Variants in LRRC43 observed in about 807,000 individuals in gnomAD.
LRRC43 encodes the protein leucine-rich repeat-containing protein 43.
A neutral mutation model predicts 64.3 loss-of-function variants in LRRC43; 62 were observed. The observed-to-expected ratio is 0.96, with a 90% CI of 0.79 to 1.19. LRRC43 has a LOEUF of 1.19. LRRC43 is among the 50% of genes most tolerant of loss of function. LRRC43 has a pLI of 0.00. For synonymous variants in LRRC43, 422 were observed against 382.3 expected (o/e 1.10, Z -1.21); for missense variants, 868 against 845.0 (o/e 1.03, Z -0.34).
At chr12:122,182,839 T>G (rs1313148648), upstream of LRRC43, among the ~76,000 whole-genome samples, 6 of 152,184 alleles carry the variant, frequency 3.9e-5, no homozygotes. Flanking sequence ...ATGTTTGACC[T>G]TGGGCCCTCT....
intron 4 of LRRC43, chr12:122,189,337 G>A (rs1478994970): frequency 4.5e-6 from 2 of 443,272 alleles, no homozygotes; most frequent in Non-Finnish European, 9.1e-6. Flanking sequence ...CCTGGAGCGG[G>A]CGGACGCAGC....
In LRRC43 at chr12:122,192,970, C is replaced by T; in HGVS notation, c.1315C>T (p.Leu439=). The change falls in exon 7 of 12, where the codon CTG becomes TTG. Residue 439 remains leucine (L), a synonymous_variant. Coordinates refer to ENST00000339777, the MANE Select transcript of LRRC43 (RefSeq NM_001098519.2). ...ASAEELAKLR[L]RIDPRLCPSP... is the part of the protein sequence containing the mutation. Reference sequence around the variant, plus strand: ...TGCAGAAGAGCTGGCCAAGTTGAGGCTGCGTATAGATCCCCGGCTCTGCCC... The same window carrying T: ...TGCAGAAGAGCTGGCCAAGTTGAGGTTGCGTATAGATCCCCGGCTCTGCCC... 1 of 1,614,018 alleles carries T rather than the reference C, an allele frequency of 6.2e-7. No individual in the cohort carries two copies.
At position 122,175,719 on chromosome 12, in the gene LRRC43, T is replaced by C. The variant is rs1458411798; in HGVS notation, c.-406+7937T>C. ...TTCGCTCTTGTTGCCCAGGCTGGAGTGCAATAGCACGATCTCGGCTCACTG... is the reference window on the plus strand; with the variant it reads ...TTCGCTCTTGTTGCCCAGGCTGGAGCGCAATAGCACGATCTCGGCTCACTG... On this transcript the variant is annotated intron_variant, in intron 1 of 5. Transcript: ENST00000537729. Among the ~76,000 whole-genome samples the C allele has an allele frequency of 2.0e-5, 3 of 151,652 alleles. No homozygotes were observed. In the South Asian group the frequency reaches 6.2e-4, roughly 32 times the overall value.
At chr12:122,172,641 C>A (rs375249296) in intron 1 of LRRC43, 19 of 1,613,978 alleles carry the variant, frequency 1.2e-5, no homozygotes, top group Non-Finnish European at 1.5e-5. Flanking sequence ...GAGATATGCC[C>A]GGATGGCTGG....
At chr12:122,172,148 A>C (rs1008906606) in intron 1 of LRRC43, 1 of 357,634 alleles carries the variant, frequency 2.8e-6, no homozygotes, top group Non-Finnish European at 5.1e-6. Context: ...TCCCACCCTC[A>C]CGAGGGTATA....
chr12:122,192,583 C>T (rs1227591596), intron 6 of LRRC43, among the ~76,000 whole-genome samples, 162 bp from the exon 7 acceptor site: 1 of 152,188 alleles, frequency 6.6e-6, no homozygotes, highest in East Asian at 1.9e-4. Context: ...TCAGAAAAGA[C>T]AAAAGTGGGT....
intron 4 of LRRC43, chr12:122,189,538 C>G (rs1276058941): frequency 2.2e-6 from 1 of 456,008 alleles, no homozygotes; most frequent in South Asian, 1.6e-5. Flanking sequence ...CCTGCCCCTG[C>G]CCTGTGTCTT....
chr12:122,178,582 C>CTTTTTTTTT (rs57204293), upstream of LRRC43, among the ~76,000 whole-genome samples: 1 of 60,732 alleles, frequency 1.6e-5, no homozygotes, highest in Non-Finnish European at 2.8e-5. Context: ...AGGTGGCTTT[C>CTTTTTTTTT]TTTTTTTTTT....
intron 7 of LRRC43, among the ~76,000 whole-genome samples, chr12:122,194,371 C>T (rs1318153895): frequency 1.3e-5 from 2 of 151,120 alleles, no homozygotes; most frequent in African/African-American, 4.9e-5. Context: ...GGTCGAGACC[C>T]GCCTGACCAA....
intron 4 of LRRC43, among the ~76,000 whole-genome samples, chr12:122,188,885 C>G (rs1953678983): frequency 6.6e-6 from 1 of 152,160 alleles, no homozygotes; most frequent in African/African-American, 2.4e-5. Flanking sequence ...GGAGCACTTC[C>G]CCATTAGTTG....
At chr12:122,193,381 TAAAAAAAAAAAAA>T (rs34910328) in intron 7 of LRRC43, among the ~76,000 whole-genome samples, 4 of 47,162 alleles carry the variant, frequency 8.5e-5, no homozygotes, top group East Asian at 1.7e-3. Context: ...CTCCGTCTCA[TAAAAAAAAAAAAA>T]AAAAAAAAAA....
intron 4 of LRRC43, 52 bp from the exon 5 acceptor site, chr12:122,190,078 C>T (rs762717114): frequency 3.5e-5 from 52 of 1,473,350 alleles, no homozygotes; most frequent in Non-Finnish European, 7.6e-6. Flanking sequence ...AGGCTGCTTG[C>T]CCCCTGCTCA....
upstream of LRRC43, among the ~76,000 whole-genome samples, chr12:122,180,051 T>G (rs114356112): frequency 9.2e-3 from 1,388 of 150,492 alleles, 18 homozygotes; most frequent in African/African-American, 0.032. Context: ...TGAAAAGCAG[T>G]TTTTCAAGGA....
intron 11 of LRRC43, among the ~76,000 whole-genome samples, chr12:122,203,035 G>A (rs1317617385): frequency 6.6e-6 from 1 of 152,192 alleles, no homozygotes; most frequent in African/African-American, 2.4e-5. Flanking sequence ...AGGTTGCAGT[G>A]AGCCGGGATC....
At chr12:122,190,488 C>A in intron 5 of LRRC43, 120 bp downstream of exon 5, 1 of 739,436 alleles carries the variant, frequency 1.4e-6, no homozygotes, top group Non-Finnish European at 2.3e-6. Context: ...TTGACCCAGA[C>A]CCTATTCAGG....
upstream of LRRC43, among the ~76,000 whole-genome samples, chr12:122,180,245 C>T (rs1444979820): frequency 4.6e-5 from 7 of 151,420 alleles, no homozygotes; most frequent in African/African-American, 1.2e-4. Flanking sequence ...AGGCCAGGGG[C>T]GAGTGGCTCA....
At chr12:122,187,067 A>G (rs981677031) in intron 3 of LRRC43, among the ~76,000 whole-genome samples, 5 of 151,622 alleles carry the variant, frequency 3.3e-5, no homozygotes, top group African/African-American at 1.2e-4. Context: ...TATCCCCTCT[A>G]CAAAAATACA....
intron 11 of LRRC43, among the ~76,000 whole-genome samples, chr12:122,203,084 C>CT (rs1453406107): frequency 3.3e-5 from 5 of 152,206 alleles, no homozygotes; most frequent in Non-Finnish European, 7.3e-5. Context: ...GAGCACGACA[C>CT]TGTCTCAAAG....
chr12:122,174,512 A>G (rs529692859), intron 1 of LRRC43, among the ~76,000 whole-genome samples: 1 of 152,212 alleles, frequency 6.6e-6, no homozygotes, highest in Admixed American at 6.5e-5. Context: ...TTTGAAGCCC[A>G]GGGTTGACAG....
Sources: allele counts gnomAD v4.1 joint callset (sites outside exome capture counted in the v4.1 genomes callset), GRCh38; gene constraint gnomAD v4.1.1; transcripts MANE v1.5; gene names NCBI Gene and HGNC (gene_info 2026-07-23, HGNC 2026-07-21).